The following PDE1A variants were observed in gnomAD, a reference collection of about 807,000 sequenced individuals.
The protein encoded by PDE1A is dual specificity calcium/calmodulin-dependent 3',5'-cyclic nucleotide phosphodiesterase 1A.
A neutral mutation model predicts 61.7 loss-of-function variants in PDE1A; 35 were observed. The ratio of observed to expected loss-of-function variants is 0.57; its 90% confidence interval spans 0.43 to 0.75. The LOEUF (loss-of-function observed/expected upper bound fraction) is 0.75, where lower values mean the gene tolerates loss of function less well. Ranked by LOEUF, PDE1A falls within the 30% of genes least tolerant of loss-of-function variation. The pLI, the probability that PDE1A is intolerant of heterozygous loss-of-function variation, is 0.00. For missense variants in PDE1A, 597 were observed against 630.6 expected, an observed-to-expected ratio of 0.95 and a Z score of 0.57; for synonymous variants, 232 against 213.2, an observed-to-expected ratio of 1.09 and a Z score of -0.77.
At chr2:182,313,862 G>A (rs183745393) in intron 1 of PDE1A, among the ~76,000 whole-genome samples, 9 of 152,148 alleles carry the variant, frequency 5.9e-5, no homozygotes, top group Admixed American at 2.0e-4. Flanking sequence ...AATATTAAAG[G>A]GTAACTCATT....
intron 3 of PDE1A, among the ~76,000 whole-genome samples, chr2:182,238,266 CAAA>C (rs3063250): frequency 9.2e-5 from 9 of 98,042 alleles, no homozygotes; most frequent in East Asian, 6.5e-4. Context: ...CAGACTACGT[CAAA>C]AAAAAAAAAA....
chr2:182,297,482 G>A (rs181820763), intron 1 of PDE1A, among the ~76,000 whole-genome samples: 1 of 152,326 alleles, frequency 6.6e-6, no homozygotes, highest in East Asian at 1.9e-4. Flanking sequence ...TTTTAAGTAA[G>A]TGAAAACTAG....
the PDE1A span, among the ~76,000 whole-genome samples, chr2:182,583,696 T>C: frequency 6.6e-6 from 1 of 152,188 alleles, no homozygotes; most frequent in Non-Finnish European, 1.5e-5. Context: ...CTGTTTAACT[T>C]TTTCCAGTGC....
chr2:182,185,363 T>G (rs1685118760), intron 13 of PDE1A, among the ~76,000 whole-genome samples: 1 of 152,196 alleles, frequency 6.6e-6, no homozygotes, highest in Admixed American at 6.6e-5. Context: ...TTGAAGCAGC[T>G]AATATGTCAG....
chr2:182,655,696 G>A, the PDE1A span, among the ~76,000 whole-genome samples: 1 of 152,204 alleles, frequency 6.6e-6, no homozygotes, highest in African/African-American at 2.4e-5. Context: ...CCCCGGCAAG[G>A]AGAGGATACT....
intron 2 of PDE1A, among the ~76,000 whole-genome samples, chr2:182,443,738 T>C (rs1684948736): frequency 6.6e-6 from 1 of 150,444 alleles, no homozygotes; most frequent in Admixed American, 6.6e-5. Flanking sequence ...AATTTCACTC[T>C]TGTTGCCCAG....
chr2:182,665,990 C>A, the PDE1A span, among the ~76,000 whole-genome samples: 1 of 152,142 alleles, frequency 6.6e-6, no homozygotes, highest in Non-Finnish European at 1.5e-5. Flanking sequence ...ACCCCATGTT[C>A]TCACTTATAA....
chr2:182,389,546 C>G (rs928797013), intron 1 of PDE1A, among the ~76,000 whole-genome samples: 3 of 151,980 alleles, frequency 2.0e-5, no homozygotes, highest in African/African-American at 7.3e-5. Context: ...AAATAACATG[C>G]AATAAATAAA....
the PDE1A span, among the ~76,000 whole-genome samples, chr2:182,539,160 A>G: frequency 6.6e-6 from 1 of 152,110 alleles, no homozygotes; most frequent in Non-Finnish European, 1.5e-5. Context: ...CCTGACTTAG[A>G]GTCAGGTAGG....
intron 1 of PDE1A, among the ~76,000 whole-genome samples, chr2:182,285,233 A>G (rs898409669): frequency 6.6e-6 from 1 of 152,076 alleles, no homozygotes; most frequent in African/African-American, 2.4e-5. Flanking sequence ...GCTCTGCAGC[A>G]TCTTTCACTT....
At chr2:182,631,386 G>T in the PDE1A span, among the ~76,000 whole-genome samples, 1 of 151,982 alleles carries the variant, frequency 6.6e-6, no homozygotes, top group Non-Finnish European at 1.5e-5. Flanking sequence ...GTATACATGT[G>T]CCATACTGGT....
intron 2 of PDE1A, among the ~76,000 whole-genome samples, chr2:182,439,722 G>T (rs112052564): frequency 5.3e-5 from 8 of 152,186 alleles, no homozygotes; most frequent in African/African-American, 1.9e-4. Context: ...TTAAGGTTGG[G>T]AGAATTTTTC....
At chr2:182,237,629 A>C (rs1690132565) in intron 3 of PDE1A, among the ~76,000 whole-genome samples, 1 of 152,176 alleles carries the variant, frequency 6.6e-6, no homozygotes. Context: ...GAAAAATAAG[A>C]TACAATATAT....
At chr2:182,227,941 G>A (rs753121023) in intron 6 of PDE1A, among the ~76,000 whole-genome samples, 2 of 152,094 alleles carry the variant, frequency 1.3e-5, no homozygotes, top group Admixed American at 6.6e-5. Context: ...AAATTCCAAA[G>A]GAACTAGATT....
At chr2:182,517,055 C>A (rs915092648) in intron 2 of PDE1A, among the ~76,000 whole-genome samples, 9 of 152,116 alleles carry the variant, frequency 5.9e-5, no homozygotes, top group African/African-American at 2.2e-4. Context: ...AGTCTGCCTA[C>A]CCCAAGCCTG....
At chr2:182,359,890 T>C (rs1258458713) in intron 1 of PDE1A, among the ~76,000 whole-genome samples, 1 of 152,120 alleles carries the variant, frequency 6.6e-6, no homozygotes, top group Non-Finnish European at 1.5e-5. Context: ...GAATGACATG[T>C]TTATTTAGCT....
At chr2:182,236,034 A>G (rs944105536) in intron 3 of PDE1A, among the ~76,000 whole-genome samples, 5 of 152,222 alleles carry the variant, frequency 3.3e-5, no homozygotes, top group African/African-American at 7.2e-5. Context: ...GTTTAATTAC[A>G]TCTCTAGCCT....
intron 1 of PDE1A, among the ~76,000 whole-genome samples, chr2:182,357,484 C>G (rs146996202): frequency 0.013 from 1,903 of 152,200 alleles, 24 homozygotes; most frequent in South Asian, 0.048. Context: ...ATTGACCTTT[C>G]TTTAGAGGAG....
At chr2:182,462,289 G>A (rs1686351717) in intron 2 of PDE1A, among the ~76,000 whole-genome samples, 1 of 151,350 alleles carries the variant, frequency 6.6e-6, no homozygotes, top group African/African-American at 2.4e-5. Context: ...ATGCACCCTA[G>A]AACTTAAAGT....
Sources: gnomAD v4.1 joint callset for allele counts (sites outside exome capture counted in the v4.1 genomes callset) on GRCh38, gnomAD v4.1.1 for gene constraint, MANE v1.5 for transcripts, NCBI Gene and HGNC (gene_info 2026-07-23, HGNC 2026-07-21) for gene names.